The following NMNAT2 variants were observed in gnomAD, a reference collection of about 807,000 sequenced individuals.
The protein encoded by NMNAT2 is nicotinamide nucleotide adenylyltransferase 2.
Under a neutral mutation model 41.6 loss-of-function variants are expected in NMNAT2, and 11 were observed. The observed-to-expected ratio is 0.26, with a 90% confidence interval of 0.17 to 0.44. NMNAT2 has a LOEUF of 0.44. Among genes scored for constraint, NMNAT2 ranks in the 20% least tolerant of loss-of-function variants. The pLI is 1.00. For synonymous variants in NMNAT2, 148 were observed against 151.2 expected, an observed-to-expected ratio of 0.98 and a Z score of 0.16; for missense variants, 288 against 407.7, an observed-to-expected ratio of 0.71 and a Z score of 2.53.
intron 1 of NMNAT2, among the ~76,000 whole-genome samples, chr1:183,376,185 TA>T (rs1663674977): frequency 6.6e-6 from 1 of 152,216 alleles, no homozygotes; most frequent in South Asian, 2.1e-4. Flanking sequence ...TGTACTGATA[TA>T]ATAAATTAAT....
intron 1 of NMNAT2, among the ~76,000 whole-genome samples, chr1:183,342,425 A>G (rs1248372107): frequency 2.0e-5 from 3 of 152,202 alleles, no homozygotes; most frequent in Non-Finnish European, 4.4e-5. Context: ...CCATAGTGAG[A>G]CTATCACAGT....
intron 1 of NMNAT2, among the ~76,000 whole-genome samples, chr1:183,398,149 C>T (rs1009164097): frequency 1.3e-5 from 2 of 152,132 alleles, no homozygotes; most frequent in African/African-American, 4.8e-5. Context: ...TATCAGTGTG[C>T]CATATTCAGG....
chr1:183,417,711 T>A (rs1408675770), intron 1 of NMNAT2, among the ~76,000 whole-genome samples: 4 of 151,892 alleles, frequency 2.6e-5, no homozygotes, highest in Non-Finnish European at 5.9e-5. Flanking sequence ...CGGGCGCGAG[T>A]GTGTTTGCGA....
intron 7 of NMNAT2, among the ~76,000 whole-genome samples, chr1:183,279,774 G>T (rs927490923): frequency 2.6e-5 from 4 of 152,212 alleles, no homozygotes; most frequent in Non-Finnish European, 5.9e-5. Flanking sequence ...GCCTTCCCAC[G>T]TAAGGGAGCC....
At chr1:183,281,542 C>T (rs1661270102) in intron 7 of NMNAT2, among the ~76,000 whole-genome samples, 1 of 152,220 alleles carries the variant, frequency 6.6e-6, no homozygotes, top group Non-Finnish European at 1.5e-5. Flanking sequence ...TAAGCCAAAG[C>T]ACAAAGAGTT....
intron 8 of NMNAT2, 42 bp downstream of exon 8, chr1:183,278,511 C>T: frequency 7.0e-7 from 1 of 1,420,626 alleles, no homozygotes; most frequent in Non-Finnish European, 1.0e-6. Context: ...TCCCATCCCT[C>T]CCAGTCCCAG....
intron 7 of NMNAT2, 172 bp downstream of exon 7, chr1:183,283,823 G>T: frequency 1.5e-6 from 1 of 687,670 alleles, no homozygotes. Flanking sequence ...AGATGTTAAA[G>T]GGAGCTAACT....
chr1:183,307,828 C>A (rs529949118), intron 1 of NMNAT2, among the ~76,000 whole-genome samples: 2 of 152,206 alleles, frequency 1.3e-5, no homozygotes, highest in African/African-American at 4.8e-5. Flanking sequence ...GTGATCTGCA[C>A]GCCTCGTCCT....
chr1:183,371,227 A>G (rs562353863), intron 1 of NMNAT2, among the ~76,000 whole-genome samples: 1 of 152,208 alleles, frequency 6.6e-6, no homozygotes, highest in African/African-American at 2.4e-5. Context: ...GAAAAAGGCT[A>G]TATACAGCAT....
chr1:183,280,855 G>A (rs925331094), intron 7 of NMNAT2, among the ~76,000 whole-genome samples: 27 of 127,994 alleles, frequency 2.1e-4, no homozygotes, highest in African/African-American at 7.2e-4. Context: ...CGTGATCTCC[G>A]GCTCACCGCA....
At chr1:183,283,489 C>T (rs1238048107) in intron 7 of NMNAT2, 1 of 177,884 alleles carries the variant, frequency 5.6e-6, no homozygotes, top group East Asian at 1.8e-4. Flanking sequence ...TCGGGCCTGC[C>T]CTGGCCTGCT....
Position 183,249,515 on chromosome 1 carries a change from A to T in NMNAT2, c.*3126T>A, listed in dbSNP as rs1335111690. 1 of 151,994 alleles carries T rather than the reference A, an allele frequency of 6.6e-6. No homozygotes were observed. The highest frequency in any genetic ancestry group is 2.4e-5 in the African/African-American group (1 of 41,336). 9.4% of individuals were successfully genotyped at this position (151,994 alleles called of 1,614,324 possible). ...ATTGGGCTTTGCAGGAAGGAACAGG[A>T]CCCCAGAGACAAAGTCGGGGGGTAG... is the stretch of plus-strand genomic sequence containing the variant. On this transcript the variant is annotated 3_prime_UTR_variant, in exon 11 of 11. Transcript: ENST00000287713.
In NMNAT2 at chr1:183,251,128, GA is replaced by G. The variant is rs905907631; in HGVS notation, c.*1512del. On this transcript the variant is annotated 3_prime_UTR_variant, in exon 11 of 11. Coordinates refer to ENST00000287713, the MANE Select transcript of NMNAT2 (RefSeq NM_015039.4). ...GTCTGCAGGAACAGAGAGGAAGGTA[GA>G]AAATTAGAGAAAAAAGGAGTGAAGC... 1 of 152,198 alleles carries G rather than the reference GA, an allele frequency of 6.6e-6. No individual in the cohort carries two copies. The highest frequency in any genetic ancestry group is 2.4e-5 in the African/African-American group (1 of 41,434). The allele number at this position is 152,198 out of a possible 1,614,324, so 9.4% of individuals were successfully genotyped here.
chr1:183,276,019 T>C (rs1571567056), intron 8 of NMNAT2, among the ~76,000 whole-genome samples: 1 of 152,282 alleles, frequency 6.6e-6, no homozygotes, highest in East Asian at 1.9e-4. Flanking sequence ...GGGGACTAGT[T>C]GGTCACCTGA....
intron 8 of NMNAT2, among the ~76,000 whole-genome samples, chr1:183,272,464 C>T (rs567506360): frequency 6.6e-6 from 1 of 152,218 alleles, no homozygotes; most frequent in East Asian, 1.9e-4. Flanking sequence ...AATTTTTTCT[C>T]CATGGAATGT....
intron 1 of NMNAT2, among the ~76,000 whole-genome samples, chr1:183,330,100 C>T (rs1229276826): frequency 6.6e-6 from 1 of 152,204 alleles, no homozygotes; most frequent in African/African-American, 2.4e-5. Context: ...AGGTTCAAAT[C>T]CCAGCTCTAC....
intron 1 of NMNAT2, among the ~76,000 whole-genome samples, chr1:183,412,911 T>C (rs1649157499): frequency 6.6e-6 from 1 of 152,220 alleles, no homozygotes; most frequent in Non-Finnish European, 1.5e-5. Flanking sequence ...CAATTTGATG[T>C]AGGAGGAAAA....
intron 4 of NMNAT2, among the ~76,000 whole-genome samples, chr1:183,289,566 C>T (rs1395232826): frequency 6.6e-6 from 1 of 152,226 alleles, no homozygotes; most frequent in African/African-American, 2.4e-5. Context: ...CCCTTTTACC[C>T]ACTAATAAAA....
chr1:183,407,416 T>G (rs1284833508), intron 1 of NMNAT2, among the ~76,000 whole-genome samples: 1 of 152,242 alleles, frequency 6.6e-6, no homozygotes, highest in East Asian at 1.9e-4. Flanking sequence ...AATCTCTGTT[T>G]TCCTGTATTT....
Sources: allele counts gnomAD v4.1 joint callset (sites outside exome capture counted in the v4.1 genomes callset), GRCh38; gene constraint gnomAD v4.1.1; transcripts MANE v1.5; gene names NCBI Gene and HGNC (gene_info 2026-07-23, HGNC 2026-07-21).